The following RBBP4 variants were observed in gnomAD, a reference collection of about 807,000 sequenced individuals.
The protein encoded by RBBP4 is histone-binding protein RBBP4.
A neutral mutation model predicts 57.2 loss-of-function variants in RBBP4; 3 were observed. The observed-to-expected ratio is 0.05, with a 90% CI of 0.02 to 0.14. RBBP4 has a LOEUF of 0.14. Ranked by LOEUF, RBBP4 falls within the 10% of genes least tolerant of loss-of-function variation. The pLI, the probability that RBBP4 is intolerant of heterozygous loss-of-function variation, is 1.00. For missense variants in RBBP4, 107 were observed against 520.6 expected (o/e 0.21, Z 7.73); for synonymous variants, 151 against 171.5 (o/e 0.88, Z 0.93).
chr1:32,653,637 G>GTTTTTTTTGTTTTTTTTTTTTTT lies in RBBP4; in HGVS notation c.164+1584_164+1585insGTTTTTTTTTTTTTTTTTTTTTT, dbSNP rs1557849770. ...TGCTTTGTGTGTTTTTTGTTTTCTG[G>GTTTTTTTTGTTTTTTTTTTTTTT]TTTTTTTTTTTTTTTTTTTTTTGTT... On this transcript the variant is annotated intron_variant, in intron 2 of 11. Coordinates refer to ENST00000373493, the MANE Select transcript of RBBP4 (RefSeq NM_005610.3). 1.4e-3 allele frequency among the ~76,000 whole-genome samples: 30 copies of GTTTTTTTTGTTTTTTTTTTTTTT among 20,784 alleles called. 11 individuals carry two copies. Among genetic ancestry groups the GTTTTTTTTGTTTTTTTTTTTTTT allele is most frequent in the Admixed American group, 2.6e-3 (3 of 1,134 alleles). The allele number at this position is 20,784 out of a possible 152,430, so 13.6% of individuals were successfully genotyped here. A position where few individuals can be genotyped will look rare whatever the true frequency, so the allele number is the denominator to read the frequency against.
At position 32,681,833 on chromosome 1, in the gene RBBP4, G is replaced by A. The variant is rs752263712; in HGVS notation, c.*2128G>A. 6.2e-7 allele frequency: 1 copy of A among 1,614,056 alleles called. No individual in the cohort carries two copies. Among genetic ancestry groups the A allele is most frequent in the East Asian group, 2.2e-5 (1 of 44,896 alleles). The stretch of plus-strand genomic sequence containing the variant: ...AGTTTTTTGCTGTTTCCGGGTTACA[G>A]ATTTGGCCATATATTTCTAAACAGC... On this transcript the variant is annotated 3_prime_UTR_variant, in exon 12 of 12. Transcript: ENST00000373493.
rs779897164 is a variant in RBBP4, at chr1:32,651,884, C to G, written c.17-30C>G. 4.4e-6 allele frequency: 7 copies of G among 1,608,808 alleles called. No homozygotes were observed. The Admixed American group carries it at 1.0e-4, about 23-fold the overall frequency. ...GGATTACTCGGTTTCCGTTTGTTTGCTAACTTAAATTTGTTTTTAAAAATT... is the reference window on the plus strand; with the variant it reads ...GGATTACTCGGTTTCCGTTTGTTTGGTAACTTAAATTTGTTTTTAAAAATT... On this transcript the variant is annotated intron_variant, in intron 1 of 11. Coordinates refer to ENST00000373493, the MANE Select transcript of RBBP4 (RefSeq NM_005610.3).
intron 3 of RBBP4, among the ~76,000 whole-genome samples, chr1:32,658,996 G>A (rs886264423): frequency 8.9e-5 from 13 of 146,802 alleles, no homozygotes; most frequent in African/African-American, 3.2e-4. Context: ...TATATATTGT[G>A]TGTAAAATAT....
Position 32,681,796 on chromosome 1 carries a change from C to A in RBBP4, c.*2091C>A, listed in dbSNP as rs374709828. Reference sequence around the variant, plus strand: ...GTACATCCAAAGGGTACTTAGTGATCCTTTGCTAAGAAGTTTTTTGCTGTT... The same window carrying A: ...GTACATCCAAAGGGTACTTAGTGATACTTTGCTAAGAAGTTTTTTGCTGTT... On this transcript the variant is annotated 3_prime_UTR_variant, in exon 12 of 12. Transcript: ENST00000373493. The A allele has an allele frequency of 1.9e-6, 3 of 1,613,978 alleles. No homozygotes were observed. In the African/African-American group the frequency reaches 4.0e-5, roughly 22 times the overall value.
chr1:32,679,895 A>C lies in RBBP4; in HGVS notation c.*190A>C. ...TAGGGGGGCTTGATTCAACAAAGCC[A>C]CAGACTTAACGTTGAAATTTTCTTC... On this transcript the variant is annotated 3_prime_UTR_variant, in exon 12 of 12. Coordinates refer to ENST00000373493, the MANE Select transcript of RBBP4 (RefSeq NM_005610.3). 2.3e-6 allele frequency: 3 copies of C among 1,306,194 alleles called. No individual in the cohort carries two copies. The highest frequency in any genetic ancestry group is 3.9e-5 in the Admixed American group (1 of 25,590). 80.9% of individuals were successfully genotyped at this position (1,306,194 alleles called of 1,614,324 possible).
At chr1:32,660,113 T>G (rs1437458371) in intron 3 of RBBP4, among the ~76,000 whole-genome samples, 2 of 152,204 alleles carry the variant, frequency 1.3e-5, no homozygotes, top group Admixed American at 6.6e-5. Context: ...ATCTCCTGTT[T>G]ATTTATGTTT....
chr1:32,659,149 A>T (rs1315559066), intron 3 of RBBP4, among the ~76,000 whole-genome samples: 1 of 148,180 alleles, frequency 6.7e-6, no homozygotes, highest in Admixed American at 6.8e-5. Flanking sequence ...TATATATATA[A>T]AATATATGTA....
In RBBP4 at chr1:32,653,637, G is replaced by GTTTTTTTTGTTTTTTTTTTTTTTTTTT. The variant is rs1557849770; in HGVS notation, c.164+1584_164+1585insGTTTTTTTTTTTTTTTTTTTTTTTTTT. On this transcript the variant is annotated intron_variant, in intron 2 of 11. Coordinates refer to ENST00000373493, the MANE Select transcript of RBBP4 (RefSeq NM_005610.3). Reference sequence around the variant, plus strand: ...TGCTTTGTGTGTTTTTTGTTTTCTGGTTTTTTTTTTTTTTTTTTTTTTGTT... The same window carrying GTTTTTTTTGTTTTTTTTTTTTTTTTTT: ...TGCTTTGTGTGTTTTTTGTTTTCTGGTTTTTTTTGTTTTTTTTTTTTTTTTTTTTTTTTTTTTTTTTTTTTTTTTGTT... Among the ~76,000 whole-genome samples, 12 of 20,782 alleles carry GTTTTTTTTGTTTTTTTTTTTTTTTTTT rather than the reference G, an allele frequency of 5.8e-4. 4 individuals are homozygous for GTTTTTTTTGTTTTTTTTTTTTTTTTTT. Among genetic ancestry groups the GTTTTTTTTGTTTTTTTTTTTTTTTTTT allele is most frequent in the Non-Finnish European group, 8.7e-4 (5 of 5,732 alleles). The allele number at this position is 20,782 out of a possible 152,430, so 13.6% of individuals were successfully genotyped here. A position where few individuals can be genotyped will look rare whatever the true frequency, so the allele number is the denominator to read the frequency against.
intron 11 of RBBP4, among the ~76,000 whole-genome samples, chr1:32,677,980 G>C (rs898810248): frequency 2.0e-5 from 3 of 152,174 alleles, no homozygotes; most frequent in Non-Finnish European, 1.5e-5. Flanking sequence ...AGCAGTAGAA[G>C]TAGAGTTTAT....
chr1:32,666,728 A>T (rs1401314790), intron 3 of RBBP4, among the ~76,000 whole-genome samples: 1 of 152,206 alleles, frequency 6.6e-6, no homozygotes, highest in Non-Finnish European at 1.5e-5. Flanking sequence ...CAAGAGACTG[A>T]AGGCACAAAC....
At chr1:32,653,640 TTTTTTTTTTTTTTTTTTTTGTTTTTG>T (rs1647995985) in intron 2 of RBBP4, among the ~76,000 whole-genome samples, 1 of 18,574 alleles carries the variant, frequency 5.4e-5, no homozygotes, top group African/African-American at 1.2e-4. Context: ...TTTTCTGGTT[TTTTTTTTTTTTTTTTTTTTGTTTTTG>T]TTTTTTTTTT....
chr1:32,673,156 C>G (rs1029909177), intron 11 of RBBP4, among the ~76,000 whole-genome samples: 1 of 152,112 alleles, frequency 6.6e-6, no homozygotes, highest in Non-Finnish European at 1.5e-5. Flanking sequence ...CTCCTTCTTT[C>G]TTTCTTTTTG....
chr1:32,661,444 G>A (rs1369895238), intron 3 of RBBP4, among the ~76,000 whole-genome samples: 5 of 151,626 alleles, frequency 3.3e-5, no homozygotes, highest in Non-Finnish European at 5.9e-5. Flanking sequence ...ACAGTCATGC[G>A]CCACCATGCC....
At chr1:32,676,528 T>G (rs1226280534) in intron 11 of RBBP4, among the ~76,000 whole-genome samples, 1 of 150,948 alleles carries the variant, frequency 6.6e-6, no homozygotes, top group African/African-American at 2.4e-5. Flanking sequence ...GAGACTTGTT[T>G]GAACCCAGGA....
In RBBP4 at chr1:32,651,232, A is replaced by AGAGC; in HGVS notation, c.-70_-67dup. ...AGGAAACAATAGAGGCCGCGCGCAC[A>AGAGC]GAGCGAGCTCTTGCAGCCTCCCCGC... On this transcript the variant is annotated 5_prime_UTR_variant, in exon 1 of 12. Transcript: ENST00000373493. 6.6e-7 allele frequency: 1 copy of AGAGC among 1,505,116 alleles called. No individual in the cohort carries two copies. The highest frequency in any genetic ancestry group is 8.9e-7 in the Non-Finnish European group (1 of 1,125,234). 93.2% of individuals were successfully genotyped at this position (1,505,116 alleles called of 1,614,324 possible).
At chr1:32,677,761 A>G (rs946079001) in intron 11 of RBBP4, among the ~76,000 whole-genome samples, 1 of 152,172 alleles carries the variant, frequency 6.6e-6, no homozygotes, top group African/African-American at 2.4e-5. Context: ...ATTTGGTGTT[A>G]GAAGTAACGT....
intron 3 of RBBP4, among the ~76,000 whole-genome samples, chr1:32,658,802 G>A (rs1462929021): frequency 1.3e-5 from 2 of 151,318 alleles, no homozygotes; most frequent in East Asian, 3.9e-4. Context: ...CCTGCCTTTT[G>A]TTCTTGTTAC....
Position 32,681,896 on chromosome 1 carries a change from C to A in RBBP4, c.*2191C>A. On this transcript the variant is annotated 3_prime_UTR_variant, in exon 12 of 12. Coordinates refer to ENST00000373493, the MANE Select transcript of RBBP4 (RefSeq NM_005610.3). ...GAAAGAAAAAGTTTATAACAGTGAA[C>A]TTCTGAGGTTTAGTTACTGCAGGCT... 1 of 1,586,822 alleles carries A rather than the reference C, an allele frequency of 6.3e-7. No individual in the cohort carries two copies. The highest frequency in any genetic ancestry group is 8.7e-7 in the Non-Finnish European group (1 of 1,155,404).
chr1:32,651,445 T>C, intron 1 of RBBP4, 123 bp downstream of exon 1: 1 of 1,364,646 alleles, frequency 7.3e-7, no homozygotes, highest in Non-Finnish European at 9.5e-7. Context: ...ACTGAAGGCG[T>C]GAAGAGGGAA....
Sources: gnomAD v4.1 joint callset for allele counts (sites outside exome capture counted in the v4.1 genomes callset) on GRCh38, gnomAD v4.1.1 for gene constraint, MANE v1.5 for transcripts, NCBI Gene and HGNC (gene_info 2026-07-23, HGNC 2026-07-21) for gene names.